Variants in PTPN4 observed in about 807,000 individuals in gnomAD.
PTPN4 encodes tyrosine-protein phosphatase non-receptor type 4.
Under a neutral mutation model 135.5 loss-of-function variants are expected in PTPN4, and 49 were observed. The observed-to-expected ratio is 0.36, with a 90% CI of 0.29 to 0.46. The LOEUF (loss-of-function observed/expected upper bound fraction) is 0.46, where lower values mean the gene tolerates loss of function less well. PTPN4 is among the 20% of genes least tolerant of loss of function. The pLI is 1.00. For synonymous variants in PTPN4, 333 were observed against 369.9 expected (o/e 0.90, Z 1.14); for missense variants, 860 against 1,101.0 (o/e 0.78, Z 3.10).
In PTPN4 at chr2:119,885,691, A is replaced by G. The variant is rs1678145391; in HGVS notation, c.588-104A>G. The G allele has an allele frequency of 4.0e-6, 3 of 749,254 alleles. No homozygotes were observed. In the South Asian group the frequency reaches 7.2e-5, roughly 18 times the overall value. 46.4% of individuals were successfully genotyped at this position (749,254 alleles called of 1,614,324 possible). A position where few individuals can be genotyped will look rare whatever the true frequency, so the allele number is the denominator to read the frequency against. ...TCCTGCATGGTGTTTCATAGATTTAATTAGACTGCTCAGTTTTTTCAGATA... is the reference window on the plus strand; with the variant it reads ...TCCTGCATGGTGTTTCATAGATTTAGTTAGACTGCTCAGTTTTTTCAGATA... On this transcript the variant is annotated intron_variant, in intron 8 of 26. Transcript: ENST00000263708.
intron 3 of PTPN4, among the ~76,000 whole-genome samples, chr2:119,874,777 ATG>A (rs1413373577): frequency 6.6e-6 from 1 of 152,192 alleles, no homozygotes; most frequent in South Asian, 2.1e-4. Flanking sequence ...TGCGTGAAAT[ATG>A]TCTCACTAAA....
At chr2:119,805,163 T>C (rs1313296466) in intron 1 of PTPN4, among the ~76,000 whole-genome samples, 1 of 152,226 alleles carries the variant, frequency 6.6e-6, no homozygotes, top group Admixed American at 6.5e-5. Flanking sequence ...TTTGTTTAAG[T>C]TCTTTGTAGA....
intron 7 of PTPN4, 94 bp downstream of exon 7, chr2:119,882,243 T>C: frequency 7.8e-7 from 1 of 1,278,488 alleles, no homozygotes; most frequent in South Asian, 1.3e-5. Context: ...TTAGAAATGT[T>C]GCTATATAGA....
chr2:119,808,920 C>G (rs1173021505), intron 1 of PTPN4, among the ~76,000 whole-genome samples: 1 of 152,148 alleles, frequency 6.6e-6, no homozygotes, highest in Non-Finnish European at 1.5e-5. Context: ...TTATATTTTG[C>G]TTACTCATTG....
At chr2:119,908,711 A>G (rs914307002) in intron 10 of PTPN4, among the ~76,000 whole-genome samples, 2 of 152,190 alleles carry the variant, frequency 1.3e-5, no homozygotes, top group East Asian at 3.8e-4. Context: ...ACTTTCGATC[A>G]AAAATTAGAA....
chr2:119,882,977 T>G (rs922559647), intron 8 of PTPN4, among the ~76,000 whole-genome samples: 3 of 152,156 alleles, frequency 2.0e-5, no homozygotes, highest in Non-Finnish European at 4.4e-5. Context: ...TGATTCTCCT[T>G]GGTAGTGAGC....
chr2:119,779,191 A>G (rs145522216), intron 1 of PTPN4, among the ~76,000 whole-genome samples: 2 of 152,352 alleles, frequency 1.3e-5, no homozygotes, highest in East Asian at 1.9e-4. Context: ...GCGTTATAAC[A>G]ATAAGCTAAG....
chr2:119,894,516 C>G (rs1297106554), intron 9 of PTPN4, among the ~76,000 whole-genome samples: 2 of 152,156 alleles, frequency 1.3e-5, no homozygotes, highest in Non-Finnish European at 2.9e-5. Flanking sequence ...TTCTCATACT[C>G]CATTAGGCCT....
At chr2:119,961,528 A>T (rs1014847649) in intron 23 of PTPN4, among the ~76,000 whole-genome samples, 5 of 152,248 alleles carry the variant, frequency 3.3e-5, no homozygotes, top group Admixed American at 1.3e-4. Flanking sequence ...TTAAACGTCG[A>T]GTTGGTATAA....
intron 10 of PTPN4, among the ~76,000 whole-genome samples, chr2:119,913,593 C>G (rs1341952209): frequency 6.6e-6 from 1 of 152,076 alleles, no homozygotes; most frequent in Admixed American, 6.5e-5. Flanking sequence ...AGTTTGAGGC[C>G]AGGCTGGGCA....
At chr2:119,892,246 G>C (rs1291371855) in intron 9 of PTPN4, among the ~76,000 whole-genome samples, 1 of 152,200 alleles carries the variant, frequency 6.6e-6, no homozygotes, top group Non-Finnish European at 1.5e-5. Context: ...TTAACTGGGA[G>C]ACTCATGAGG....
intron 2 of PTPN4, among the ~76,000 whole-genome samples, chr2:119,858,836 A>G (rs1411305801): frequency 6.6e-6 from 1 of 151,924 alleles, no homozygotes; most frequent in Non-Finnish European, 1.5e-5. Context: ...AGGTTTCACC[A>G]TATTAGCCAG....
chr2:119,787,955 T>C (rs974517074), intron 1 of PTPN4, among the ~76,000 whole-genome samples: 2 of 152,172 alleles, frequency 1.3e-5, no homozygotes, highest in African/African-American at 4.8e-5. Flanking sequence ...AAAAATAGAA[T>C]GTTGCCCCTA....
intron 12 of PTPN4, among the ~76,000 whole-genome samples, chr2:119,925,647 T>C (rs959277241): frequency 6.6e-6 from 1 of 152,200 alleles, no homozygotes; most frequent in Non-Finnish European, 1.5e-5. Flanking sequence ...CTAATGAGTA[T>C]GCACTAAATA....
chr2:119,975,349 CA>C (rs951395013), intron 26 of PTPN4, among the ~76,000 whole-genome samples: 9 of 152,170 alleles, frequency 5.9e-5, no homozygotes, highest in African/African-American at 2.2e-4. Context: ...TTCCTGGCCA[CA>C]AGTGATGCTC....
At chr2:119,889,123 T>C (rs1264445473) in intron 9 of PTPN4, among the ~76,000 whole-genome samples, 1 of 152,108 alleles carries the variant, frequency 6.6e-6, no homozygotes, top group East Asian at 1.9e-4. Flanking sequence ...TAGTTGTTCG[T>C]AATAGTCTCT....
chr2:119,885,533 A>G (rs899709798), intron 8 of PTPN4, among the ~76,000 whole-genome samples: 1 of 152,216 alleles, frequency 6.6e-6, no homozygotes, highest in Non-Finnish European at 1.5e-5. Flanking sequence ...GTTTTGTTAC[A>G]GTCACCCATA....
At chr2:119,825,942 A>T (rs1318104389) in intron 2 of PTPN4, among the ~76,000 whole-genome samples, 1 of 152,202 alleles carries the variant, frequency 6.6e-6, no homozygotes, top group African/African-American at 2.4e-5. Context: ...TGAAAGACTA[A>T]ATAGTCTGTG....
intron 25 of PTPN4, among the ~76,000 whole-genome samples, chr2:119,966,727 C>T (rs561566120): frequency 6.6e-6 from 1 of 152,312 alleles, no homozygotes; most frequent in South Asian, 2.1e-4. Flanking sequence ...ACTCCTACCT[C>T]TCTTGAAGTG....
Sources: allele counts gnomAD v4.1 joint callset (sites outside exome capture counted in the v4.1 genomes callset), GRCh38; gene constraint gnomAD v4.1.1; transcripts MANE v1.5; gene names NCBI Gene and HGNC (gene_info 2026-07-23, HGNC 2026-07-21).